The following TRPS1 variants were observed in gnomAD, a reference collection of about 807,000 sequenced individuals.
The protein encoded by TRPS1 is zinc finger transcription factor Trps1.
In TRPS1, 6 loss-of-function variants were observed where a neutral mutation model predicts 101.2. The ratio of observed to expected loss-of-function variants is 0.06; its 90% CI spans 0.03 to 0.12. TRPS1 has a LOEUF of 0.12. TRPS1 is among the 10% of genes least tolerant of loss of function. TRPS1 has a pLI of 1.00. For missense variants in TRPS1, 1,363 were observed against 1,567.0 expected, an observed-to-expected ratio of 0.87 and a Z score of 2.20; for synonymous variants, 578 against 589.8, an observed-to-expected ratio of 0.98 and a Z score of 0.29.
At chr8:115,502,230 G>A (rs1815336515) in intron 5 of TRPS1, among the ~76,000 whole-genome samples, 1 of 152,046 alleles carries the variant, frequency 6.6e-6, no homozygotes, top group African/African-American at 2.4e-5. Context: ...ACTCTTCTCT[G>A]AGTTACAGTT....
intron 4 of TRPS1, among the ~76,000 whole-genome samples, chr8:115,597,754 A>G (rs141680367): frequency 1.1e-4 from 17 of 152,218 alleles, no homozygotes; most frequent in Non-Finnish European, 2.4e-4. Flanking sequence ...TGTATTTAGA[A>G]CCATTGTACT....
chr8:115,526,173 G>T (rs1022152596), intron 5 of TRPS1, among the ~76,000 whole-genome samples: 2 of 152,092 alleles, frequency 1.3e-5, no homozygotes, highest in African/African-American at 2.4e-5. Context: ...GTCAGGTGTG[G>T]TAGTGCGTGC....
At chr8:115,462,418 T>A (rs2129978347) in intron 5 of TRPS1, among the ~76,000 whole-genome samples, 1 of 152,174 alleles carries the variant, frequency 6.6e-6, no homozygotes, top group East Asian at 1.9e-4. Context: ...CCAGTTAACC[T>A]CCCCCATATA....
chr8:115,418,258 A>G lies in TRPS1; in HGVS notation c.2823+72T>C, dbSNP rs1019702864. ...CAGGCACTGCAAGCCAGGGAATGGG[A>G]CTTATCACACCACAGACCAGGCCAA... On this transcript the variant is annotated intron_variant, in intron 6 of 6. Coordinates refer to ENST00000395715, the MANE Select transcript of TRPS1 (RefSeq NM_014112.5). This position sits in a 1 kb window ranked among gnomAD's most constrained non-coding sequence, Gnocchi z 4.3. 2.3e-5 allele frequency: 37 copies of G among 1,613,006 alleles called. No homozygotes were observed. In the Middle Eastern group the frequency reaches 2.9e-3, roughly 125 times the overall value.
Position 115,462,078 on chromosome 8 carries a change from G to A in TRPS1, c.2701-43626C>T, listed in dbSNP as rs76649843. ...CGTATATCATTCTTGTGTCAACAGA[G>A]CAAGGCTTATGGCCAGAAATGAATG... On this transcript the variant is annotated intron_variant, in intron 5 of 6. Transcript: ENST00000395715. Among the ~76,000 whole-genome samples the A allele has an allele frequency of 5.7e-3, 873 of 152,198 alleles. 6 individuals carry two copies. The highest frequency in any genetic ancestry group is 7.2e-3 in the Non-Finnish European group (492 of 68,002).
intron 5 of TRPS1, among the ~76,000 whole-genome samples, chr8:115,584,535 A>T (rs533629746): frequency 5.4e-4 from 82 of 152,022 alleles, no homozygotes; most frequent in African/African-American, 1.9e-3. Flanking sequence ...TTAAATTATT[A>T]CAGGACATCT....
chr8:115,542,068 A>T (rs1816466132), intron 5 of TRPS1, among the ~76,000 whole-genome samples: 1 of 152,216 alleles, frequency 6.6e-6, no homozygotes, highest in Non-Finnish European at 1.5e-5. Flanking sequence ...GAAATGCAAG[A>T]TATGGAAGCC....
chr8:115,594,058 C>A (rs1817735387), intron 4 of TRPS1, among the ~76,000 whole-genome samples: 1 of 152,046 alleles, frequency 6.6e-6, no homozygotes, highest in South Asian at 2.1e-4. Context: ...TCTGGATGTT[C>A]AGGATGCTGG....
chr8:115,462,344 C>T (rs543428758), intron 5 of TRPS1, among the ~76,000 whole-genome samples: 8 of 152,100 alleles, frequency 5.3e-5, no homozygotes, highest in Admixed American at 2.0e-4. Context: ...TATAGTGTAG[C>T]GAAGGGCAGT....
At chr8:115,431,400 C>G (rs903539802) in intron 5 of TRPS1, among the ~76,000 whole-genome samples, 14 of 151,906 alleles carry the variant, frequency 9.2e-5, no homozygotes, top group African/African-American at 3.1e-4. Context: ...CCTAAAACTC[C>G]CTTATATAAG....
At chr8:115,456,386 C>CT (rs973690375) in intron 5 of TRPS1, among the ~76,000 whole-genome samples, 1 of 151,990 alleles carries the variant, frequency 6.6e-6, no homozygotes, top group Admixed American at 6.6e-5. Flanking sequence ...TTTGACATTG[C>CT]TTTTTTTCCT....
intron 5 of TRPS1, among the ~76,000 whole-genome samples, chr8:115,579,533 A>G (rs945910519): frequency 5.3e-5 from 8 of 152,136 alleles, no homozygotes; most frequent in African/African-American, 1.9e-4. Context: ...CACACAAAAT[A>G]TCATTTTAAC....
intron 1 of TRPS1, among the ~76,000 whole-genome samples, chr8:115,654,212 G>C (rs1586498915): frequency 1.4e-5 from 2 of 140,850 alleles, no homozygotes; most frequent in Admixed American, 1.5e-4. Context: ...GTACTGTGAA[G>C]TCATGGCTAG....
At position 115,587,312 on chromosome 8, in the gene TRPS1, T is replaced by C; in HGVS notation, c.2389A>G (p.Ser797Gly). The C allele has an allele frequency of 6.2e-7, 1 of 1,614,222 alleles. No homozygotes were observed. The highest frequency in any genetic ancestry group is 8.5e-7 in the Non-Finnish European group (1 of 1,180,026). The stretch of plus-strand genomic sequence containing the variant: ...ACATTGCGAAGGTCATCACTGGAAC[T>C]CTCGGTCCAAACTTTCTCTTTGAGC... ...DGLKEKVWTE[S>G]SSDDLRNVTW... Residue 797 changes from serine to glycine, a missense_variant, in exon 5 of 7, where the codon AGT becomes GGT. Physicochemically the swap from Ser to Gly is moderately conservative, Grantham distance 56. Around this residue, in one of 5 missense-constraint regions of TRPS1, gnomAD observed 1,020 missense variants for 1,073.0 expected, o/e 0.95. Coordinates refer to ENST00000395715, the MANE Select transcript of TRPS1 (RefSeq NM_014112.5).
At chr8:115,559,301 T>C (rs527493071) in intron 5 of TRPS1, among the ~76,000 whole-genome samples, 1 of 152,252 alleles carries the variant, frequency 6.6e-6, no homozygotes, top group South Asian at 2.1e-4. Context: ...GAGTACATTA[T>C]TCACTGGCTT....
At chr8:115,492,239 A>T (rs1301992538) in intron 5 of TRPS1, 2 of 456,114 alleles carry the variant, frequency 4.4e-6, no homozygotes, top group Non-Finnish European at 8.8e-6. Flanking sequence ...GCTTTGCTAA[A>T]CAAGGACTCA....
At chr8:115,453,307 C>A (rs1006829129) in intron 5 of TRPS1, among the ~76,000 whole-genome samples, 8 of 152,156 alleles carry the variant, frequency 5.3e-5, no homozygotes, top group Admixed American at 1.3e-4. Flanking sequence ...GTGTGAGCCA[C>A]CGCGCCCAGC....
chr8:115,515,904 A>G (rs1365334480), intron 5 of TRPS1, among the ~76,000 whole-genome samples: 1 of 151,426 alleles, frequency 6.6e-6, no homozygotes, highest in East Asian at 1.9e-4. Flanking sequence ...TGAGGCCATT[A>G]TCTTTAGTTT....
rs1298399263 is a variant in TRPS1, at chr8:115,409,850, C to G, written c.*4173G>C. The G allele has an allele frequency of 6.6e-6, 1 of 152,320 alleles. No homozygotes were observed. The highest frequency in any genetic ancestry group is 1.5e-5 in the Non-Finnish European group (1 of 67,974). 9.4% of individuals were successfully genotyped at this position (152,320 alleles called of 1,614,324 possible). ...GGTTGCATTTCAATTCCTCAATTTT[C>G]TCTTGTGCCTTGGACAGTCAGCAAG... On this transcript the variant is annotated 3_prime_UTR_variant, in exon 7 of 7. Transcript: ENST00000395715.
Sources: gnomAD v4.1 joint callset for allele counts (sites outside exome capture counted in the v4.1 genomes callset) on GRCh38, gnomAD v4.1.1 for gene constraint, gnomAD v4.1.1 regional missense constraint, Gnocchi (gnomAD v3.1) non-coding constraint, MANE v1.5 for transcripts, NCBI Gene and HGNC (gene_info 2026-07-23, HGNC 2026-07-21) for gene names.